Variants in RAB22A observed in about 807,000 individuals in gnomAD.
RAB22A encodes RAB22A, member RAS oncogene family, also known as ras-related protein Rab-22A.
A neutral mutation model predicts 30.2 loss-of-function variants in RAB22A; 13 were observed. The ratio of observed to expected loss-of-function variants is 0.43; its 90% CI spans 0.28 to 0.68. The LOEUF (loss-of-function observed/expected upper bound fraction) is 0.68. Ranked by LOEUF, RAB22A falls within the 30% of genes least tolerant of loss-of-function variation. RAB22A has a pLI of 0.18. For missense variants in RAB22A, 177 were observed against 246.8 expected, an observed-to-expected ratio of 0.72 and a Z score of 1.89; for synonymous variants, 89 against 87.2, an observed-to-expected ratio of 1.02 and a Z score of -0.11.
At position 58,332,510 on chromosome 20, in the gene RAB22A, T is replaced by C. The variant is rs2122946077; in HGVS notation, c.117-11208T>C. 3.9e-5 allele frequency among the ~76,000 whole-genome samples: 6 copies of C among 152,346 alleles called. No individual in the cohort carries two copies. In the South Asian group the frequency reaches 1.2e-3, roughly 32 times the overall value. ...CTGATTCACTGACCCTCTCCTCTGC[T>C]GTGTCCAGTCATCTTATAAAATGTC... is the stretch of plus-strand genomic sequence containing the variant. On this transcript the variant is annotated intron_variant, in intron 2 of 6. Coordinates refer to ENST00000244040, the MANE Select transcript of RAB22A (RefSeq NM_020673.3).
At chr20:58,310,163 C>A in intron 1 of RAB22A, 151 bp downstream of exon 1, 2 of 772,090 alleles carry the variant, frequency 2.6e-6, no homozygotes, top group Non-Finnish European at 3.5e-6. Flanking sequence ...CGGGAGCCGT[C>A]CCGCCCACCT....
chr20:58,310,061 CG>C, intron 1 of RAB22A, 49 bp downstream of exon 1: 2 of 1,253,480 alleles, frequency 1.6e-6, no homozygotes, highest in South Asian at 3.7e-5. Context: ...GCTGGGCTGG[CG>C]GGGACCCCGG....
intron 3 of RAB22A, 101 bp downstream of exon 3, chr20:58,343,900 T>C (rs1042233871): frequency 3.2e-6 from 3 of 951,564 alleles, no homozygotes; most frequent in South Asian, 1.5e-5. Context: ...ACTTCTCTTC[T>C]GTGCACCGGA....
At chr20:58,329,209 A>G (rs930194066) in intron 2 of RAB22A, among the ~76,000 whole-genome samples, 2 of 151,948 alleles carry the variant, frequency 1.3e-5, no homozygotes, top group Non-Finnish European at 2.9e-5. Context: ...GCCTGCCACC[A>G]TGCCCAGCTA....
At chr20:58,313,956 T>G (rs1986283116) in intron 2 of RAB22A, among the ~76,000 whole-genome samples, 1 of 152,222 alleles carries the variant, frequency 6.6e-6, no homozygotes, top group Non-Finnish European at 1.5e-5. Context: ...GCAAGTTTGC[T>G]GACCCCGATC....
intron 2 of RAB22A, among the ~76,000 whole-genome samples, chr20:58,328,157 C>T (rs6128320): frequency 0.12 from 18,292 of 152,162 alleles, 1,711 homozygotes; most frequent in East Asian, 0.41. Flanking sequence ...ATACCTGCAA[C>T]TTTTCTCAAC....
intron 2 of RAB22A, among the ~76,000 whole-genome samples, chr20:58,329,411 C>A (rs1986626536): frequency 5.3e-5 from 8 of 152,118 alleles, no homozygotes; most frequent in Admixed American, 5.2e-4. Context: ...TTTTTTCTTT[C>A]AGCACTTTAC....
chr20:58,316,047 G>A (rs1200604392), intron 2 of RAB22A, among the ~76,000 whole-genome samples: 1 of 152,102 alleles, frequency 6.6e-6, no homozygotes, highest in Non-Finnish European at 1.5e-5. Flanking sequence ...CTGGGTTTTT[G>A]GCACATGCTA....
In RAB22A at chr20:58,363,328, A is replaced by G. The variant is rs1429818000; in HGVS notation, c.*3625A>G. ...ATGTGATTTATGGGCCCTTAAGAGT[A>G]TAAGATATAGGTGCACAGTATGTTA... On this transcript the variant is annotated 3_prime_UTR_variant, in exon 7 of 7. Transcript: ENST00000244040. 1 of 152,200 alleles carries G rather than the reference A, an allele frequency of 6.6e-6. No individual in the cohort carries two copies. Among genetic ancestry groups the G allele is most frequent in the Admixed American group, 6.5e-5 (1 of 15,280 alleles). 9.4% of individuals were successfully genotyped at this position (152,200 alleles called of 1,614,324 possible).
intron 2 of RAB22A, among the ~76,000 whole-genome samples, chr20:58,323,858 T>A (rs1291044498): frequency 6.6e-6 from 1 of 152,112 alleles, no homozygotes; most frequent in Non-Finnish European, 1.5e-5. Context: ...CTACATGTAT[T>A]TGGCTAATCA....
intron 2 of RAB22A, among the ~76,000 whole-genome samples, chr20:58,323,287 A>G (rs1986494315): frequency 6.6e-6 from 1 of 152,112 alleles, no homozygotes; most frequent in South Asian, 2.1e-4. Flanking sequence ...TGTTGATTAT[A>G]TACAGAAATA....
At chr20:58,350,514 A>G (rs1191269169) in intron 3 of RAB22A, among the ~76,000 whole-genome samples, 1 of 152,240 alleles carries the variant, frequency 6.6e-6, no homozygotes, top group African/African-American at 2.4e-5. Flanking sequence ...CTGAAAACCA[A>G]AGGTAAAGAG....
chr20:58,354,821 G>A (rs960070091), intron 6 of RAB22A, among the ~76,000 whole-genome samples: 3 of 152,216 alleles, frequency 2.0e-5, no homozygotes, highest in Non-Finnish European at 4.4e-5. Context: ...ATTGGGAGCT[G>A]TTCCAGGCTC....
chr20:58,358,138 G>A lies in RAB22A; in HGVS notation c.488-1468G>A, dbSNP rs188558859. On this transcript the variant is annotated intron_variant, in intron 6 of 6. Coordinates refer to ENST00000244040, the MANE Select transcript of RAB22A (RefSeq NM_020673.3). ...GAGTAAGGAAGTGGGAGGGTGTCAG[G>A]AAAGCCTTTGTACAAGAAGCAACCC... 2.0e-5 allele frequency among the ~76,000 whole-genome samples: 3 copies of A among 152,296 alleles called. No homozygotes were observed. In the East Asian group the frequency reaches 5.8e-4, roughly 29 times the overall value.
intron 2 of RAB22A, among the ~76,000 whole-genome samples, chr20:58,330,117 G>A (rs1221612233): frequency 6.6e-6 from 1 of 152,120 alleles, no homozygotes; most frequent in Non-Finnish European, 1.5e-5. Flanking sequence ...GATACATGTA[G>A]GTTATATGCA....
chr20:58,334,673 T>G (rs1386222337), intron 2 of RAB22A, among the ~76,000 whole-genome samples: 1 of 151,754 alleles, frequency 6.6e-6, no homozygotes, highest in Non-Finnish European at 1.5e-5. Flanking sequence ...ATATAAAATA[T>G]ATCACAATGT....
intron 2 of RAB22A, among the ~76,000 whole-genome samples, chr20:58,312,632 G>A (rs1240598347): frequency 6.6e-6 from 1 of 151,540 alleles, no homozygotes; most frequent in Non-Finnish European, 1.5e-5. Flanking sequence ...GGGACTACAG[G>A]CACCCACCAC....
chr20:58,310,092 C>A (rs1228860781), intron 1 of RAB22A, 80 bp downstream of exon 1: 1 of 1,169,298 alleles, frequency 8.6e-7, no homozygotes, highest in Non-Finnish European at 1.1e-6. Context: ...GTCCCCTCAT[C>A]CCTTCCCCCC....
chr20:58,323,208 G>A (rs1465914687), intron 2 of RAB22A, among the ~76,000 whole-genome samples: 1 of 151,884 alleles, frequency 6.6e-6, no homozygotes, highest in Non-Finnish European at 1.5e-5. Flanking sequence ...GGTTTGATAT[G>A]TTTAGTGCAG....
Sources: allele counts gnomAD v4.1 joint callset (sites outside exome capture counted in the v4.1 genomes callset), GRCh38; gene constraint gnomAD v4.1.1; transcripts MANE v1.5; gene names NCBI Gene and HGNC (gene_info 2026-07-23, HGNC 2026-07-21).